Variants in FAM107B observed in about 807,000 individuals in gnomAD.
FAM107B encodes the protein protein FAM107B.
A neutral mutation model predicts 31.5 loss-of-function variants in FAM107B; 21 were observed. That is an observed-to-expected ratio of 0.67 (90% CI 0.47 to 0.96). The LOEUF is 0.96. Among genes scored for constraint, FAM107B ranks in the 40% least tolerant of loss-of-function variants. The pLI is 0.00. For synonymous variants in FAM107B, 157 were observed against 141.5 expected (o/e 1.11, Z -0.78); for missense variants, 452 against 377.1 (o/e 1.20, Z -1.64).
At chr10:14,770,975 T>TAAAAA (rs56378196) in intron 1 of FAM107B, among the ~76,000 whole-genome samples, 10 of 58,924 alleles carry the variant, frequency 1.7e-4, no homozygotes, top group East Asian at 5.1e-4. Context: ...GAGGCTGAAC[T>TAAAAA]AAAAAAAAAA....
intron 1 of FAM107B, among the ~76,000 whole-genome samples, chr10:14,687,747 A>G (rs1488703316): frequency 6.6e-6 from 1 of 152,100 alleles, no homozygotes; most frequent in African/African-American, 2.4e-5. Flanking sequence ...CCCAATTCTT[A>G]TTCCTGGCTA....
rs1271747183 is a variant in FAM107B, at chr10:14,579,839, C to T, written c.470-49324G>A. On this transcript the variant is annotated intron_variant, in intron 2 of 4. Transcript: ENST00000181796. Reference sequence around the variant, plus strand: ...GAGTTCGAGACCAGCCTGGCCAATACGGTGAAACCCCATCTCTACTAAAAA... The same window carrying T: ...GAGTTCGAGACCAGCCTGGCCAATATGGTGAAACCCCATCTCTACTAAAAA... 4.0e-5 allele frequency among the ~76,000 whole-genome samples: 6 copies of T among 151,506 alleles called. No homozygotes were observed. In the East Asian group the frequency reaches 5.8e-4, roughly 15 times the overall value.
rs79271213 is a variant in FAM107B, at chr10:14,523,555, T to A, written c.654-1536A>T. Among the ~76,000 whole-genome samples, 25 of 152,304 alleles carry A rather than the reference T, an allele frequency of 1.6e-4. No homozygotes were observed. In the East Asian group the frequency reaches 4.8e-3, roughly 29 times the overall value. ...CCGGCTGCTGATGACTGCTAATCTGTAGACAAGGGACAGGGTTGTTCTCTA... is the reference window on the plus strand; with the variant it reads ...CCGGCTGCTGATGACTGCTAATCTGAAGACAAGGGACAGGGTTGTTCTCTA... On this transcript the variant is annotated intron_variant, in intron 3 of 4. Coordinates refer to ENST00000181796, the MANE Select transcript of FAM107B (RefSeq NM_031453.4).
At chr10:14,547,601 T>C (rs934313632) in intron 2 of FAM107B, among the ~76,000 whole-genome samples, 1 of 152,202 alleles carries the variant, frequency 6.6e-6, no homozygotes, top group African/African-American at 2.4e-5. Context: ...GAGCATTTCC[T>C]TTAAGCAGCA....
intron 1 of FAM107B, among the ~76,000 whole-genome samples, chr10:14,757,661 T>C (rs1832957168): frequency 6.6e-6 from 1 of 152,186 alleles, no homozygotes; most frequent in South Asian, 2.1e-4. Flanking sequence ...ACCTTAAGGC[T>C]GCAATGTCAC....
chr10:14,625,602 G>A lies in FAM107B; in HGVS notation c.469+42032C>T, dbSNP rs115178065. The stretch of plus-strand genomic sequence containing the variant: ...GTGCCAAAATAGGCATTAATGTCGC[G>A]TGCAAGAGAAACAGGCAGAAGAGAC... On this transcript the variant is annotated intron_variant, in intron 2 of 4. Transcript: ENST00000181796. 4.8e-3 allele frequency among the ~76,000 whole-genome samples: 736 copies of A among 152,214 alleles called. 2 individuals are homozygous for A. The highest frequency in any genetic ancestry group is 0.017 in the African/African-American group (690 of 41,526).
chr10:14,692,495 G>A (rs190202359), intron 1 of FAM107B, among the ~76,000 whole-genome samples: 61 of 152,244 alleles, frequency 4.0e-4, no homozygotes, highest in African/African-American at 1.3e-3. Context: ...AATATAAACG[G>A]TTGTAAATTT....
chr10:14,692,799 G>T lies in FAM107B; in HGVS notation c.412-25108C>A, dbSNP rs568651538. Among the ~76,000 whole-genome samples, 127 of 152,330 alleles carry T rather than the reference G, an allele frequency of 8.3e-4. 1 individual carries two copies. The highest frequency in any genetic ancestry group is 2.9e-3 in the African/African-American group (120 of 41,566). On this transcript the variant is annotated intron_variant, in intron 1 of 4. Transcript: ENST00000181796. ...GTTTCAGAATGAACGTTGTCTTGCT[G>T]CACGGGCCGGGGTTATTCAATTATC...
intron 2 of FAM107B, among the ~76,000 whole-genome samples, chr10:14,567,765 C>T (rs558266892): frequency 6.6e-6 from 1 of 152,334 alleles, no homozygotes; most frequent in African/African-American, 2.4e-5. Context: ...AATCTGTCAG[C>T]TGAGCTGAAG....
At chr10:14,647,196 T>A (rs1165852705) in intron 2 of FAM107B, among the ~76,000 whole-genome samples, 2 of 152,004 alleles carry the variant, frequency 1.3e-5, no homozygotes, top group African/African-American at 2.4e-5. Flanking sequence ...TAATTACAAA[T>A]ATTTGTTGGT....
At chr10:14,717,189 G>A (rs370552589) in intron 1 of FAM107B, among the ~76,000 whole-genome samples, 2 of 152,294 alleles carry the variant, frequency 1.3e-5, no homozygotes, top group Non-Finnish European at 2.9e-5. Context: ...TTTGGGTAAG[G>A]TAGTGAGCAC....
chr10:14,669,068 A>C (rs1854477255), intron 1 of FAM107B, among the ~76,000 whole-genome samples: 1 of 152,082 alleles, frequency 6.6e-6, no homozygotes, highest in South Asian at 2.1e-4. Context: ...CTCAGGTAGT[A>C]AGATAAAGAA....
intron 1 of FAM107B, among the ~76,000 whole-genome samples, chr10:14,761,339 T>C (rs74122990): frequency 0.034 from 5,218 of 152,280 alleles, 286 homozygotes; most frequent in African/African-American, 0.11. Flanking sequence ...AGATAATAAA[T>C]GCTAAAAGAG....
intron 2 of FAM107B, chr10:14,572,359 T>G (rs1486258079): frequency 1.0e-6 from 1 of 985,322 alleles, no homozygotes; most frequent in East Asian, 1.1e-4. Flanking sequence ...GTTGCAACAC[T>G]CACACAACCT....
intron 2 of FAM107B, among the ~76,000 whole-genome samples, chr10:14,544,836 C>T (rs1039985049): frequency 2.6e-5 from 4 of 152,112 alleles, no homozygotes; most frequent in African/African-American, 9.7e-5. Context: ...AAAATATTCA[C>T]AAGGCACTAA....
chr10:14,754,709 C>T (rs947887463), intron 1 of FAM107B, among the ~76,000 whole-genome samples: 2 of 152,192 alleles, frequency 1.3e-5, no homozygotes, highest in African/African-American at 4.8e-5. Context: ...TGACTCTGGC[C>T]TTTTCAGTAA....
chr10:14,641,415 T>C (rs999083730), intron 2 of FAM107B, among the ~76,000 whole-genome samples: 1 of 152,232 alleles, frequency 6.6e-6, no homozygotes, highest in Admixed American at 6.5e-5. Context: ...TTCAGATGAC[T>C]GGCTCTCTTA....
At chr10:14,710,637 C>T (rs1855624370) in intron 1 of FAM107B, among the ~76,000 whole-genome samples, 1 of 152,058 alleles carries the variant, frequency 6.6e-6, no homozygotes. Flanking sequence ...CTGGTGACAT[C>T]CTGATGATCC....
chr10:14,761,627 T>G (rs940181952), intron 1 of FAM107B, among the ~76,000 whole-genome samples: 2 of 152,112 alleles, frequency 1.3e-5, no homozygotes, highest in Admixed American at 1.3e-4. Flanking sequence ...TTTGCGACAG[T>G]CTCGGTCTGT....
Sources: gnomAD v4.1 joint callset for allele counts (sites outside exome capture counted in the v4.1 genomes callset) on GRCh38, gnomAD v4.1.1 for gene constraint, MANE v1.5 for transcripts, NCBI Gene and HGNC (gene_info 2026-07-23, HGNC 2026-07-21) for gene names.